The following GPBP1L1 variants were observed in gnomAD, a reference collection of about 807,000 sequenced individuals.
The protein encoded by GPBP1L1 is vasculin-like protein 1.
In GPBP1L1, 23 loss-of-function variants were observed where a neutral mutation model predicts 52.5. The ratio of observed to expected loss-of-function variants is 0.44; its 90% CI spans 0.32 to 0.62. The LOEUF is 0.62. GPBP1L1 is among the 20% of genes least tolerant of loss of function. The pLI is 0.06. For missense variants in GPBP1L1, 596 were observed against 579.3 expected (o/e 1.03, Z -0.30); for synonymous variants, 243 against 203.1 (o/e 1.20, Z -1.67).
intron 2 of GPBP1L1, among the ~76,000 whole-genome samples, chr1:45,676,448 A>C (rs529594184): frequency 2.0e-5 from 3 of 152,048 alleles, no homozygotes; most frequent in African/African-American, 7.2e-5. Context: ...AAAAAAACAC[A>C]AAAAAATTAG....
chr1:45,677,572 G>A (rs982948202), intron 2 of GPBP1L1, among the ~76,000 whole-genome samples: 6 of 151,772 alleles, frequency 4.0e-5, no homozygotes, highest in Admixed American at 1.3e-4. Flanking sequence ...GTCTATTATG[G>A]AGTCTAATAA....
intron 2 of GPBP1L1, among the ~76,000 whole-genome samples, chr1:45,677,461 C>T (rs1188925992): frequency 3.3e-5 from 5 of 152,074 alleles, no homozygotes; most frequent in Non-Finnish European, 1.5e-5. Flanking sequence ...ATGATCATGC[C>T]ACTACACTCC....
intron 6 of GPBP1L1, among the ~76,000 whole-genome samples, chr1:45,644,388 T>C (rs924239023): frequency 2.0e-5 from 3 of 152,292 alleles, no homozygotes; most frequent in Non-Finnish European, 4.4e-5. Flanking sequence ...TTAAAACTTG[T>C]AAAATATAAA....
intron 3 of GPBP1L1, among the ~76,000 whole-genome samples, 175 bp downstream of exon 3, chr1:45,660,009 T>A (rs1421311388): frequency 6.6e-6 from 1 of 152,166 alleles, no homozygotes; most frequent in Admixed American, 6.5e-5. Context: ...TATATTTAGT[T>A]CACATTAATT....
At chr1:45,664,129 G>A (rs553975058) in intron 2 of GPBP1L1, among the ~76,000 whole-genome samples, 87 of 152,186 alleles carry the variant, frequency 5.7e-4, no homozygotes, top group Middle Eastern at 6.8e-3. Flanking sequence ...TCAGGAAATC[G>A]AGACCATGGT....
chr1:45,643,199 A>C (rs1453954430), intron 6 of GPBP1L1, among the ~76,000 whole-genome samples: 1 of 152,246 alleles, frequency 6.6e-6, no homozygotes, highest in African/African-American at 2.4e-5. Context: ...CGGTAATTCC[A>C]GGAACAGAAA....
In GPBP1L1 at chr1:45,633,495, C is replaced by G. The variant is rs762756829; in HGVS notation, c.1038G>C (p.Leu346=). The change falls in exon 10 of 13, where the codon CTG becomes CTC. Residue 346 remains leucine, a synonymous_variant. Transcript: ENST00000355105. ...AAAAGGCGGATGCTCTTACATCTTC[C>G]AGCTTGTCACAGTCTCTATTCTCTG... ...DFSENRDCDK[L]EDLEDNSTPE... The G allele has an allele frequency of 7.4e-6, 12 of 1,613,662 alleles. No homozygotes were observed. The East Asian group carries it at 1.1e-4, about 15-fold the overall frequency.
At chr1:45,631,391 T>C (rs959511577) in intron 10 of GPBP1L1, among the ~76,000 whole-genome samples, 1 of 152,148 alleles carries the variant, frequency 6.6e-6, no homozygotes, top group Non-Finnish European at 1.5e-5. Flanking sequence ...GCCTCCCATG[T>C]AGCTGTGACT....
At chr1:45,651,478 T>C in intron 6 of GPBP1L1, 2 of 456,300 alleles carry the variant, frequency 4.4e-6, no homozygotes, top group South Asian at 4.5e-5. Context: ...CTTCTCAGCC[T>C]GGGCCAATAG....
chr1:45,662,157 T>C (rs147218362), intron 2 of GPBP1L1, among the ~76,000 whole-genome samples: 23 of 152,220 alleles, frequency 1.5e-4, no homozygotes, highest in African/African-American at 5.3e-4. Flanking sequence ...AGAAACAGGG[T>C]CTCACCCTAT....
chr1:45,634,198 T>C lies in GPBP1L1; in HGVS notation c.783A>G (p.Ser261=), dbSNP rs764177492. The stretch of plus-strand genomic sequence containing the variant: ...ACTCCCGGCTAGAGGAAAGGGATCC[T>C]GACTTGTGCTCCATCCTGTTAGCTT... ...AWKANRMEHK[S]GSLSSSRESA... is the part of the protein sequence containing the mutation. Residue 261 remains serine, a synonymous_variant, in exon 9 of 13, where the codon TCA becomes TCG. Transcript: ENST00000355105. The C allele has an allele frequency of 4.3e-6, 7 of 1,613,906 alleles. No homozygotes were observed. The highest frequency in any genetic ancestry group is 2.7e-5 in the African/African-American group (2 of 75,066).
intron 7 of GPBP1L1, 149 bp downstream of exon 7, chr1:45,642,278 G>C (rs1403631588): frequency 3.2e-6 from 2 of 627,048 alleles, no homozygotes; most frequent in East Asian, 5.5e-5. Context: ...GTAGGGGGCA[G>C]AATAACCCGC....
rs185483007 is a variant in GPBP1L1, at chr1:45,667,951, C to A, written c.-1097-6726G>T. Among the ~76,000 whole-genome samples the A allele has an allele frequency of 2.5e-3, 380 of 152,214 alleles. 1 individual carries two copies. The highest frequency in any genetic ancestry group is 6.8e-3 in the Middle Eastern group (2 of 294). ...ACGGAGTTTCACCATGTTGGCCAGG[C>A]TGGTCTCCAACTCCTGGCCTCAAGT... On this transcript the variant is annotated intron_variant, in intron 2 of 12. Coordinates refer to ENST00000355105, the MANE Select transcript of GPBP1L1 (RefSeq NM_021639.5).
intron 2 of GPBP1L1, among the ~76,000 whole-genome samples, chr1:45,662,438 C>T (rs1644957762): frequency 6.6e-6 from 1 of 152,132 alleles, no homozygotes; most frequent in African/African-American, 2.4e-5. Flanking sequence ...AGCCACTGTG[C>T]CTGGCTGTGG....
intron 2 of GPBP1L1, among the ~76,000 whole-genome samples, chr1:45,667,345 A>T (rs1445400049): frequency 2.6e-5 from 4 of 152,174 alleles, no homozygotes; most frequent in Admixed American, 6.5e-5. Flanking sequence ...ACTTGATCCA[A>T]CCATTCATTC....
At chr1:45,668,569 G>T (rs1206744057) in intron 2 of GPBP1L1, among the ~76,000 whole-genome samples, 2 of 152,098 alleles carry the variant, frequency 1.3e-5, no homozygotes, top group African/African-American at 4.8e-5. Context: ...CACAAGAACT[G>T]CTTGAACCCG....
In GPBP1L1 at chr1:45,628,006, ATGTGTGTGTG is replaced by A; in HGVS notation, c.*240_*249del. ...ATCGCCCCATATATACTGGGTGTGT[ATGTGTGTGTG>A]TGTGTGAGTGTGTTTAAAAAATCTG... On this transcript the variant is annotated 3_prime_UTR_variant, in exon 13 of 13. Transcript: ENST00000355105. The A allele has an allele frequency of 2.5e-6, 1 of 407,010 alleles. No homozygotes were observed. The allele number at this position is 407,010 out of a possible 1,614,324, so 25.2% of individuals were successfully genotyped here.
At chr1:45,669,556 G>T (rs1052828673) in intron 2 of GPBP1L1, among the ~76,000 whole-genome samples, 2 of 152,138 alleles carry the variant, frequency 1.3e-5, no homozygotes, top group Admixed American at 6.5e-5. Context: ...TTAAGTAAAA[G>T]AATAACAGAC....
intron 2 of GPBP1L1, among the ~76,000 whole-genome samples, chr1:45,677,927 G>A (rs192641607): frequency 6.6e-6 from 1 of 152,204 alleles, no homozygotes; most frequent in Admixed American, 6.5e-5. Flanking sequence ...CAACCACTTT[G>A]GAAACTGGCA....
Sources: gnomAD v4.1 joint callset for allele counts (sites outside exome capture counted in the v4.1 genomes callset) on GRCh38, gnomAD v4.1.1 for gene constraint, MANE v1.5 for transcripts, NCBI Gene and HGNC (gene_info 2026-07-23, HGNC 2026-07-21) for gene names.